CNTN5: variants seen among roughly 807,000 people sequenced by gnomAD.
CNTN5 encodes the protein contactin-5.
CNTN5 carries 77 observed loss-of-function variants against 129.1 expected under a neutral mutation model. The ratio of observed to expected loss-of-function variants is 0.60; its 90% CI spans 0.50 to 0.72. The LOEUF (loss-of-function observed/expected upper bound fraction) is 0.72. Among genes scored for constraint, CNTN5 ranks in the 30% least tolerant of loss-of-function variants. The pLI, the probability that CNTN5 is intolerant of heterozygous loss-of-function variation, is 0.00. For missense variants in CNTN5, 1,478 were observed against 1,328.8 expected, an observed-to-expected ratio of 1.11 and a Z score of -1.75; for synonymous variants, 509 against 465.6, an observed-to-expected ratio of 1.09 and a Z score of -1.20.
intron 1 of CNTN5, among the ~76,000 whole-genome samples, chr11:99,290,008 T>A (rs925863206): frequency 1.1e-4 from 16 of 151,934 alleles, no homozygotes; most frequent in Non-Finnish European, 1.6e-4. Context: ...TTCCTTTTTT[T>A]AAATTGTATA....
At chr11:100,146,866 G>C (rs1946867042) in intron 13 of CNTN5, among the ~76,000 whole-genome samples, 1 of 152,050 alleles carries the variant, frequency 6.6e-6, no homozygotes. Flanking sequence ...TATTGTGTCA[G>C]CTCTTTGTAA....
At chr11:99,888,933 G>T (rs1194175556) in intron 6 of CNTN5, among the ~76,000 whole-genome samples, 1 of 152,084 alleles carries the variant, frequency 6.6e-6, no homozygotes, top group African/African-American at 2.4e-5. Flanking sequence ...GTTTTGAGTT[G>T]TCAAGAGGAA....
intron 3 of CNTN5, among the ~76,000 whole-genome samples, chr11:99,710,566 CATGT>C (rs1308393747): frequency 6.4e-5 from 5 of 78,124 alleles, no homozygotes; most frequent in African/African-American, 1.9e-4. Flanking sequence ...TGTGTGTGTG[CATGT>C]GTGTGTGTGT....
intron 1 of CNTN5, among the ~76,000 whole-genome samples, chr11:99,159,883 T>C (rs1161894674): frequency 1.3e-5 from 2 of 152,190 alleles, no homozygotes; most frequent in African/African-American, 4.8e-5. Context: ...TTCTGTAATA[T>C]AATAATCTCA....
intron 9 of CNTN5, among the ~76,000 whole-genome samples, chr11:100,018,221 A>G (rs1402945110): frequency 1.3e-5 from 2 of 151,968 alleles, no homozygotes; most frequent in Non-Finnish European, 2.9e-5. Flanking sequence ...TATTTTTACC[A>G]TGAAACCATC....
At chr11:99,704,690 A>T (rs1019187217) in intron 3 of CNTN5, among the ~76,000 whole-genome samples, 3 of 151,246 alleles carry the variant, frequency 2.0e-5, no homozygotes, top group Non-Finnish European at 4.4e-5. Flanking sequence ...TCTTTTATCT[A>T]TATATGCATT....
At position 99,220,926 on chromosome 11, in the gene CNTN5, C is replaced by G. The variant is rs549086930; in HGVS notation, c.-209-104420C>G. 1.5e-4 allele frequency among the ~76,000 whole-genome samples: 23 copies of G among 151,220 alleles called. 1 individual carries two copies. The South Asian group carries it at 4.8e-3, about 32-fold the overall frequency. ...AGTCTACTAAGTGGGTTGTCCAATG[C>G]AGAAGCAGAAGAAAACCATTTCTGG... is the stretch of plus-strand genomic sequence containing the variant. On this transcript the variant is annotated intron_variant, in intron 1 of 24. Coordinates refer to ENST00000524871, the MANE Select transcript of CNTN5 (RefSeq NM_014361.4).
At chr11:100,257,024 T>A (rs1209622721) in intron 17 of CNTN5, among the ~76,000 whole-genome samples, 1 of 152,064 alleles carries the variant, frequency 6.6e-6, no homozygotes, top group South Asian at 2.1e-4. Flanking sequence ...CCCACCCCCA[T>A]GGAGCCCAGC....
Position 99,423,766 on chromosome 11 carries a change from C to T in CNTN5, c.-71+98282C>T, listed in dbSNP as rs1398630531. On this transcript the variant is annotated intron_variant, in intron 2 of 24. Coordinates refer to ENST00000524871, the MANE Select transcript of CNTN5 (RefSeq NM_014361.4). ...ACAGGTTCCCTGGTGATGCCAATGC[C>T]ATTTGTCCACAGTACAGGCTTTGAG... 2.0e-5 allele frequency among the ~76,000 whole-genome samples: 3 copies of T among 149,492 alleles called. No homozygotes were observed. In the East Asian group the frequency reaches 6.1e-4, roughly 31 times the overall value.
At chr11:100,288,425 C>A (rs1435493131) in intron 18 of CNTN5, among the ~76,000 whole-genome samples, 1 of 152,178 alleles carries the variant, frequency 6.6e-6, no homozygotes, top group African/African-American at 2.4e-5. Context: ...GACCACAGTG[C>A]AATCAAACTA....
chr11:99,775,150 G>A (rs1321179159), intron 3 of CNTN5, among the ~76,000 whole-genome samples: 6 of 152,052 alleles, frequency 3.9e-5, no homozygotes, highest in African/African-American at 1.2e-4. Flanking sequence ...TGCCATGGGC[G>A]TGATGCTTAG....
rs879700301 is a variant in CNTN5, at chr11:100,035,753, G to A, written c.981-25459G>A. Among the ~76,000 whole-genome samples the A allele has an allele frequency of 7.9e-3, 1,191 of 150,938 alleles. 10 individuals are homozygous for A. Among genetic ancestry groups the A allele is most frequent in the Non-Finnish European group, 0.014 (978 of 67,740 alleles). On this transcript the variant is annotated intron_variant, in intron 9 of 24. Coordinates refer to ENST00000524871, the MANE Select transcript of CNTN5 (RefSeq NM_014361.4). Reference sequence around the variant, plus strand: ...TGAGCATTTTTTCATGTGTTTTTTGGCTGCATAAATGTCTTCTTTTGAGAA... The same window carrying A: ...TGAGCATTTTTTCATGTGTTTTTTGACTGCATAAATGTCTTCTTTTGAGAA...
chr11:99,711,941 T>C (rs1239326906), intron 3 of CNTN5, among the ~76,000 whole-genome samples: 2 of 152,210 alleles, frequency 1.3e-5, no homozygotes, highest in East Asian at 3.9e-4. Flanking sequence ...GCAGTAAACA[T>C]ATGTGTGCAT....
intron 1 of CNTN5, among the ~76,000 whole-genome samples, chr11:99,208,769 T>G (rs966878556): frequency 6.6e-6 from 1 of 152,038 alleles, no homozygotes; most frequent in African/African-American, 2.4e-5. Context: ...TATTAATAAC[T>G]AAGTAGGCAG....
chr11:99,255,173 G>T (rs1862312349), intron 1 of CNTN5, among the ~76,000 whole-genome samples: 1 of 151,788 alleles, frequency 6.6e-6, no homozygotes, highest in African/African-American at 2.4e-5. Context: ...TCAAACATTT[G>T]TTTGGTGAAA....
chr11:100,295,441 T>A (rs115351339), intron 18 of CNTN5, among the ~76,000 whole-genome samples: 1 of 150,582 alleles, frequency 6.6e-6, no homozygotes, highest in Non-Finnish European at 1.5e-5. Flanking sequence ...TGTTCACTTG[T>A]TTTTTTTTAA....
At chr11:99,415,130 C>T (rs1035130288) in intron 2 of CNTN5, among the ~76,000 whole-genome samples, 4 of 152,054 alleles carry the variant, frequency 2.6e-5, no homozygotes, top group Non-Finnish European at 5.9e-5. Flanking sequence ...TCATAAGGGT[C>T]GTGGTGAGCA....
chr11:99,461,330 C>T (rs566488999), intron 2 of CNTN5, among the ~76,000 whole-genome samples: 7 of 152,062 alleles, frequency 4.6e-5, no homozygotes, highest in African/African-American at 1.4e-4. Context: ...TAAGAACTGC[C>T]GTAGGTTTGT....
Position 99,282,319 on chromosome 11 carries a change from C to T in CNTN5, c.-209-43027C>T, listed in dbSNP as rs148848173. On this transcript the variant is annotated intron_variant, in intron 1 of 24. Coordinates refer to ENST00000524871, the MANE Select transcript of CNTN5 (RefSeq NM_014361.4). ...TAGATAATAGCATTGTGGGGCCATG[C>T]TGAGTACTACGGTAAGGTTCACTCA... Among the ~76,000 whole-genome samples the T allele has an allele frequency of 2.5e-3, 373 of 152,016 alleles. 2 individuals carry two copies. The highest frequency in any genetic ancestry group is 8.6e-3 in the African/African-American group (358 of 41,482).
Sources: allele counts gnomAD v4.1 joint callset (sites outside exome capture counted in the v4.1 genomes callset), GRCh38; gene constraint gnomAD v4.1.1; transcripts MANE v1.5; gene names NCBI Gene and HGNC (gene_info 2026-07-23, HGNC 2026-07-21).